Variants in ZIM2 observed in about 807,000 individuals in gnomAD.
ZIM2 encodes the protein zinc finger protein 656.
A neutral mutation model predicts 38.6 loss-of-function variants in ZIM2; 14 were observed. The observed-to-expected ratio is 0.36, with a 90% CI of 0.24 to 0.57. ZIM2 has a LOEUF of 0.57. Ranked by LOEUF, ZIM2 falls within the 20% of genes least tolerant of loss-of-function variation. The pLI is 0.81. For missense variants in ZIM2, 680 were observed against 695.1 expected, an observed-to-expected ratio of 0.98 and a Z score of 0.24; for synonymous variants, 247 against 245.8, an observed-to-expected ratio of 1.00 and a Z score of -0.04.
intron 9 of ZIM2, among the ~76,000 whole-genome samples, chr19:56,804,786 C>G (rs1254694553): frequency 6.6e-6 from 1 of 152,184 alleles, no homozygotes; most frequent in Non-Finnish European, 1.5e-5. Context: ...AAGAATGGTA[C>G]AAGTAATGCA....
chr19:56,813,039 A>T, intron 9 of ZIM2: 1 of 985,516 alleles, frequency 1.0e-6, no homozygotes, highest in Non-Finnish European at 1.2e-6. Context: ...AGTAAAAGCC[A>T]TGTTATCTAT....
chr19:56,804,770 T>C (rs1186607767), intron 9 of ZIM2, among the ~76,000 whole-genome samples: 1 of 152,240 alleles, frequency 6.6e-6, no homozygotes. Flanking sequence ...AAAATAGGCA[T>C]GTTCCAAGAA....
At chr19:56,837,295 A>G (rs1043296387) in intron 1 of ZIM2, among the ~76,000 whole-genome samples, 7 of 151,922 alleles carry the variant, frequency 4.6e-5, no homozygotes, top group African/African-American at 1.2e-4. Flanking sequence ...CCTAGTTCCC[A>G]TGCACTGCCC....
chr19:56,816,523 G>A lies in ZIM2; in HGVS notation c.490+1223C>T, dbSNP rs749877300. 2.5e-6 allele frequency: 4 copies of A among 1,613,338 alleles called. No homozygotes were observed. The Admixed American group carries it at 5.0e-5, about 20-fold the overall frequency. On this transcript the variant is annotated intron_variant, in intron 9 of 12. Coordinates refer to ENST00000629319, the MANE Select transcript of ZIM2 (RefSeq NM_001387356.1). ...GATTTTCTGATGTTCTTTCAGGGAT[G>A]AGCTATGAAGGAAAGTCTCCCCACA...
Position 56,811,767 on chromosome 19 carries a change from T to C in ZIM2, c.490+5979A>G. ...CCTTCCTATGCAGCCAGCCCTCACC[T>C]ACACCATACCATCAAAAACTCCTTT... is the stretch of plus-strand genomic sequence containing the variant. On this transcript the variant is annotated intron_variant, in intron 9 of 12. Transcript: ENST00000629319. 7.1e-6 allele frequency: 7 copies of C among 985,512 alleles called. No individual in the cohort carries two copies. The South Asian group carries it at 3.3e-4, about 46-fold the overall frequency. 61.0% of individuals were successfully genotyped at this position (985,512 alleles called of 1,614,324 possible). A position where few individuals can be genotyped will look rare whatever the true frequency, so the allele number is the denominator to read the frequency against.
intron 4 of ZIM2, 58 bp from the exon 5 acceptor site, chr19:56,823,737 C>T (rs947059056): frequency 1.9e-6 from 3 of 1,584,970 alleles, no homozygotes; most frequent in South Asian, 2.2e-5. Flanking sequence ...ACAATAGTTC[C>T]CCCCAATCCC....
At position 56,814,975 on chromosome 19, in the gene ZIM2, T is replaced by C; in HGVS notation, c.490+2771A>G. 1 of 1,614,102 alleles carries C rather than the reference T, an allele frequency of 6.2e-7. No homozygotes were observed. Among genetic ancestry groups the C allele is most frequent in the Non-Finnish European group, 8.5e-7 (1 of 1,180,004 alleles). On this transcript the variant is annotated intron_variant, in intron 9 of 12. Transcript: ENST00000629319. This position sits in a 1 kb window ranked among gnomAD's most constrained non-coding sequence, Gnocchi z 5.8. ...TTCATACAGCTGCTCTCCAGTGTAA[T>C]CTCTCTGATACTCGCTGATGGAATG...
chr19:56,822,670 G>C (rs761720909), intron 6 of ZIM2, 83 bp downstream of exon 6: 1 of 1,549,258 alleles, frequency 6.5e-7, no homozygotes, highest in African/African-American at 1.4e-5. Flanking sequence ...CAGAAACTTC[G>C]AGGCCCTGGC....
At chr19:56,833,089 A>G in intron 2 of ZIM2, 1 of 493,962 alleles carries the variant, frequency 2.0e-6, no homozygotes, top group South Asian at 1.5e-5. Flanking sequence ...GAACTTAATG[A>G]AAGAACACAT....
At position 56,821,744 on chromosome 19, in the gene ZIM2, C is replaced by A. The variant is rs550751491; in HGVS notation, c.201G>T (p.Pro67=). 1 of 1,613,910 alleles carries A rather than the reference C, an allele frequency of 6.2e-7. No homozygotes were observed. Among genetic ancestry groups the A allele is most frequent in the Non-Finnish European group, 8.5e-7 (1 of 1,180,020 alleles). ...HTRNPRSRMP[P]RDLSLPVVAK... ...CCACCACAGGAAGGGAAAGATCCCGCGGAGGCATCCCTGGGAAGAAAAAAG... is the reference window on the plus strand; with the variant it reads ...CCACCACAGGAAGGGAAAGATCCCGAGGAGGCATCCCTGGGAAGAAAAAAG... The change falls in exon 7 of 13, where the codon CCG becomes CCT. Residue 67 remains proline, a synonymous_variant. Transcript: ENST00000629319.
chr19:56,814,270 T>C lies in ZIM2; in HGVS notation c.490+3476A>G. 1 of 1,613,868 alleles carries C rather than the reference T, an allele frequency of 6.2e-7. No homozygotes were observed. Among genetic ancestry groups the C allele is most frequent in the Non-Finnish European group, 8.5e-7 (1 of 1,180,040 alleles). ...CACTTCTGGCTCAGCAGCCTCTACG[T>C]TTAAGCCCTGAATCCTCAGAACTAC... is the stretch of plus-strand genomic sequence containing the variant. On this transcript the variant is annotated intron_variant, in intron 9 of 12. Transcript: ENST00000629319. The surrounding 1 kb of genome is among the most constrained non-coding windows in gnomAD (Gnocchi z 5.8).
chr19:56,792,397 G>C lies in ZIM2; in HGVS notation c.491-2446C>G, dbSNP rs192150174. ...AATACAAAAATTAGCCAGGCGTGGT[G>C]GTGGGCCCCTGGAATTCTAGCTACT... On this transcript the variant is annotated intron_variant, in intron 9 of 12. Coordinates refer to ENST00000629319, the MANE Select transcript of ZIM2 (RefSeq NM_001387356.1). Among the ~76,000 whole-genome samples, 328 of 151,596 alleles carry C rather than the reference G, an allele frequency of 2.2e-3. 2 individuals are homozygous for C. Among genetic ancestry groups the C allele is most frequent in the African/African-American group, 7.7e-3 (319 of 41,322 alleles).
chr19:56,817,345 T>C (rs1055694991), intron 9 of ZIM2: 2 of 1,614,098 alleles, frequency 1.2e-6, no homozygotes, highest in Non-Finnish European at 1.7e-6. Flanking sequence ...ATTCCCTTCA[T>C]AAACCCGCTG....
At chr19:56,800,962 G>A (rs545998658) in intron 9 of ZIM2, among the ~76,000 whole-genome samples, 1 of 143,340 alleles carries the variant, frequency 7.0e-6, no homozygotes, top group South Asian at 2.2e-4. Flanking sequence ...TTGAGACAGA[G>A]TCTTGCTCAG....
chr19:56,815,484 C>T (rs142055087), intron 9 of ZIM2: 300 of 1,614,006 alleles, frequency 1.9e-4, no homozygotes, highest in Non-Finnish European at 2.4e-4. Context: ...TCTTCTGGTG[C>T]TCAGTGAGGT....
chr19:56,795,598 A>G (rs1191012714), intron 9 of ZIM2, among the ~76,000 whole-genome samples: 1 of 152,334 alleles, frequency 6.6e-6, no homozygotes, highest in East Asian at 1.9e-4. Context: ...GCTCCTGGCC[A>G]AGTGCCCTGT....
At chr19:56,775,868 G>A (rs1031072865) in intron 12 of ZIM2, among the ~76,000 whole-genome samples, 5 of 152,070 alleles carry the variant, frequency 3.3e-5, no homozygotes, top group South Asian at 2.1e-4. Context: ...TTGGGAGGCC[G>A]AGATGGGCGG....
At chr19:56,815,402 C>T (rs777468426) in intron 9 of ZIM2, 1 of 1,614,124 alleles carries the variant, frequency 6.2e-7, no homozygotes, top group South Asian at 1.1e-5. Flanking sequence ...GTTTGAGGGT[C>T]AGTAGGGGCC....
chr19:56,835,933 A>G (rs746996922), intron 2 of ZIM2, 85 bp downstream of exon 2: 3 of 457,988 alleles, frequency 6.6e-6, no homozygotes, highest in Non-Finnish European at 1.3e-5. Flanking sequence ...TGGAACACAT[A>G]TGCAGTAGGA....
Sources: allele counts gnomAD v4.1 joint callset (sites outside exome capture counted in the v4.1 genomes callset), GRCh38; gene constraint gnomAD v4.1.1; non-coding constraint Gnocchi (gnomAD v3.1); transcripts MANE v1.5; gene names NCBI Gene and HGNC (gene_info 2026-07-23, HGNC 2026-07-21).